The following SPATC1 variants were observed in gnomAD, a reference collection of about 807,000 sequenced individuals.
SPATC1 encodes spermatogenesis and centriole associated 1, also known as speriolin.
A neutral mutation model predicts 36.5 loss-of-function variants in SPATC1; 35 were observed. The ratio of observed to expected loss-of-function variants is 0.96; its 90% CI spans 0.73 to 1.27. SPATC1 has a LOEUF of 1.27. Among genes scored for constraint, SPATC1 ranks in the 50% most tolerant of loss-of-function variants. The probability of loss-of-function intolerance (pLI) is 0.00; values close to 1 mark genes in which losing one functional copy is unlikely to be tolerated. For missense variants in SPATC1, 779 were observed against 796.0 expected (o/e 0.98, Z 0.26); for synonymous variants, 361 against 353.6 (o/e 1.02, Z -0.24).
intron 1 of SPATC1, among the ~76,000 whole-genome samples, chr8:144,021,306 T>C (rs1319433097): frequency 0.52 from 6,185 of 11,944 alleles, 1,211 homozygotes; most frequent in Middle Eastern, 0.62. Context: ...AGGACCCTCT[T>C]CCCTCATGAC....
At chr8:144,036,324 G>A (rs1432962345) in intron 1 of SPATC1, among the ~76,000 whole-genome samples, 10 of 152,132 alleles carry the variant, frequency 6.6e-5, no homozygotes, top group South Asian at 6.2e-4. Context: ...GCGGAACTTA[G>A]AAGGTTTTGG....
At position 144,012,468 on chromosome 8, in the gene SPATC1, A is replaced by G. The variant is rs1554752585; in HGVS notation, c.-48A>G. The G allele has an allele frequency of 1.1e-5, 16 of 1,516,848 alleles. No individual in the cohort carries two copies. Among genetic ancestry groups the G allele is most frequent in the Non-Finnish European group, 1.3e-5 (15 of 1,115,974 alleles). 94.0% of individuals were successfully genotyped at this position (1,516,848 alleles called of 1,614,324 possible). A position where few individuals can be genotyped will look rare whatever the true frequency, so the allele number is the denominator to read the frequency against. On this transcript the variant is annotated 5_prime_UTR_variant, in exon 1 of 5. Transcript: ENST00000377470. ...AGGCCTGGGGCCCTGGGCAGCCTCC[A>G]GGTGCAGTGCCCTCCCGTGGGCCGC...
At position 144,046,615 on chromosome 8, in the gene SPATC1, C is replaced by A. The variant is rs533783863; in HGVS notation, c.1447-12C>A. The A allele has an allele frequency of 1.9e-5, 30 of 1,600,014 alleles. No individual in the cohort carries two copies. The South Asian group carries it at 2.9e-4, about 15-fold the overall frequency. ...GGCAAGGGAGGGTCCCTGATGGCCG[C>A]TGTCCCCACAGGCTTCCCTGAACCC... On this transcript the variant is annotated splice_polypyrimidine_tract_variant and intron_variant, in intron 4 of 4. Transcript: ENST00000377470. This position sits in a 1 kb window ranked among gnomAD's most constrained non-coding sequence, Gnocchi z 6.6.
chr8:144,035,449 C>T (rs1834879586), intron 1 of SPATC1, among the ~76,000 whole-genome samples: 2 of 152,276 alleles, frequency 1.3e-5, no homozygotes, highest in Admixed American at 1.3e-4. Context: ...ATTGTTCCTT[C>T]TGTCCTGGAC....
rs1554755581 is a variant in SPATC1 at position 144,040,292 on chromosome 8, C to T, written c.595C>T (p.Leu199Phe). The T allele has an allele frequency of 1.9e-6, 3 of 1,612,832 alleles. No homozygotes were observed. The highest frequency in any genetic ancestry group is 2.2e-5 in the South Asian group (2 of 91,060). Reference sequence around the variant, plus strand: ...GGTGGCTGTCTCTCTGAGCAGCCCCCTCCTCAGCTCCACTGCCACCCCACC... The same window carrying T: ...GGTGGCTGTCTCTCTGAGCAGCCCCTTCCTCAGCTCCACTGCCACCCCACC... ...GTVAVSLSSP[L>F]LSSTATPPGV... is the part of the protein sequence containing the mutation. Residue 199 changes from leucine (L) to phenylalanine (F), a missense_variant, in exon 2 of 5, where the codon CTC (leucine) becomes TTC (phenylalanine). By Grantham distance (22) the Leu-to-Phe change is conservative. Transcript: ENST00000377470.
At chr8:144,018,689 A>G (rs1834440105) in intron 1 of SPATC1, among the ~76,000 whole-genome samples, 1 of 151,810 alleles carries the variant, frequency 6.6e-6, no homozygotes, top group African/African-American at 2.4e-5. Context: ...TCTCTGTTCA[A>G]ATGTTCTTCT....
rs782095655 is a variant in SPATC1, at chr8:144,040,208, G to C, written c.511G>C (p.Val171Leu). 6.2e-7 allele frequency: 1 copy of C among 1,612,544 alleles called. No individual in the cohort carries two copies. Among genetic ancestry groups the C allele is most frequent in the Non-Finnish European group, 8.5e-7 (1 of 1,179,800 alleles). The change falls in exon 2 of 5, where the codon GTG (valine) becomes CTG (leucine). Residue 171 changes from valine to leucine, a missense_variant. Coordinates refer to ENST00000377470, the MANE Select transcript of SPATC1 (RefSeq NM_198572.3). Reference protein sequence around the residue: ...STGTLTPSSLVAGPVAMSQSS... With the variant: ...STGTLTPSSLLAGPVAMSQSS... ...TGGCACCCTGACTCCCAGCAGCCTC[G>C]TGGCAGGCCCTGTGGCCATGTCCCA...
chr8:144,027,325 C>A (rs1482703483), intron 1 of SPATC1, among the ~76,000 whole-genome samples: 3 of 152,140 alleles, frequency 2.0e-5, no homozygotes, highest in Non-Finnish European at 4.4e-5. Flanking sequence ...TTGTAAGATT[C>A]TTTATATACA....
intron 3 of SPATC1, 50 bp from the exon 4 acceptor site, chr8:144,041,182 C>T (rs782477973): frequency 3.1e-6 from 5 of 1,607,122 alleles, no homozygotes; most frequent in African/African-American, 1.3e-5. Flanking sequence ...GCTGCTGAGC[C>T]CAGCTCCTCT....
At chr8:144,012,814 T>C in intron 1 of SPATC1, 88 bp downstream of exon 1, 1 of 1,384,844 alleles carries the variant, frequency 7.2e-7, no homozygotes, top group Non-Finnish European at 1.0e-6. Flanking sequence ...TCTCAGGAGG[T>C]CATGGAGGGA....
Position 144,040,719 on chromosome 8 carries a change from A to G in SPATC1, c.918A>G (p.Thr306=). The G allele has an allele frequency of 6.2e-7, 1 of 1,613,044 alleles. No individual in the cohort carries two copies. The highest frequency in any genetic ancestry group is 1.3e-5 in the African/African-American group (1 of 74,750). ...CCTTCTCCTTCAACACTTCGGACAC[A>G]CAGGCCCAGCCCAGTGCCGCCCAGG... ...KTAFSFNTSD[T]QAQPSAAQEQ... The change falls in exon 3 of 5, where the codon ACA becomes ACG. Residue 306 remains threonine (T), a synonymous_variant. Coordinates refer to ENST00000377470, the MANE Select transcript of SPATC1 (RefSeq NM_198572.3).
chr8:144,032,667 G>A (rs1045925459), intron 1 of SPATC1, among the ~76,000 whole-genome samples: 1 of 152,108 alleles, frequency 6.6e-6, no homozygotes, highest in Non-Finnish European at 1.5e-5. Context: ...CCTCCCCAGG[G>A]TTTATTGCTG....
chr8:144,040,892 C>G lies in SPATC1; in HGVS notation c.1091C>G (p.Pro364Arg). Residue 364 changes from proline to arginine, a missense_variant, in exon 3 of 5, where the codon CCC (proline) becomes CGC (arginine). Transcript: ENST00000377470. ...CACATCGCCCAGGGTGCCCCCCATC[C>G]CCCTTCCCGAATGCATAATTCCCCA... is the stretch of plus-strand genomic sequence containing the variant. Reference protein sequence around the residue: ...TTHIAQGAPHPPSRMHNSPTQ... With the variant: ...TTHIAQGAPHRPSRMHNSPTQ... The G allele has an allele frequency of 6.3e-7, 1 of 1,590,074 alleles. No individual in the cohort carries two copies. Among genetic ancestry groups the G allele is most frequent in the Non-Finnish European group, 8.6e-7 (1 of 1,166,410 alleles).
At chr8:144,031,092 A>C (rs1834783568) in intron 1 of SPATC1, among the ~76,000 whole-genome samples, 2 of 152,172 alleles carry the variant, frequency 1.3e-5, no homozygotes, top group South Asian at 4.1e-4. Context: ...TGACATCAGC[A>C]TATGTAGTTA....
chr8:144,045,690 C>T lies in SPATC1; in HGVS notation c.1447-937C>T, dbSNP rs1478884193. 3.9e-5 allele frequency among the ~76,000 whole-genome samples: 6 copies of T among 152,172 alleles called. No individual in the cohort carries two copies. Among genetic ancestry groups the T allele is most frequent in the African/African-American group, 9.7e-5 (4 of 41,424 alleles). ...TGGCTCTGTGGGCCTGTGCAGAGAG[C>T]GGGCAGGGCCAAGCCTGGAGGCAGG... On this transcript the variant is annotated intron_variant, in intron 4 of 4. Transcript: ENST00000377470. The surrounding 1 kb of genome is among the most constrained non-coding windows in gnomAD (Gnocchi z 5.2).
At chr8:144,012,044 G>A (rs912806408), upstream of SPATC1, among the ~76,000 whole-genome samples, 5 of 152,216 alleles carry the variant, frequency 3.3e-5, no homozygotes, top group Non-Finnish European at 5.9e-5. Flanking sequence ...ATTGTGCCAA[G>A]CCCTGTGCTG....
At chr8:144,015,408 T>A (rs1050168051) in intron 1 of SPATC1, among the ~76,000 whole-genome samples, 1 of 150,984 alleles carries the variant, frequency 6.6e-6, no homozygotes, top group Non-Finnish European at 1.5e-5. Context: ...TTAAAATTTT[T>A]AAAAAATAAA....
intron 2 of SPATC1, 37 bp from the exon 3 acceptor site, chr8:144,040,531 C>T: frequency 1.3e-6 from 2 of 1,562,608 alleles, no homozygotes; most frequent in South Asian, 1.2e-5. Flanking sequence ...TCACTCTAAT[C>T]CCCCTTTTTT....
rs1292275602 is a variant in SPATC1, at chr8:144,045,623, G to C, written c.1447-1004G>C. Among the ~76,000 whole-genome samples the C allele has an allele frequency of 6.6e-6, 1 of 152,230 alleles. No homozygotes were observed. Among genetic ancestry groups the C allele is most frequent in the Non-Finnish European group, 1.5e-5 (1 of 68,038 alleles). On this transcript the variant is annotated intron_variant, in intron 4 of 4. Coordinates refer to ENST00000377470, the MANE Select transcript of SPATC1 (RefSeq NM_198572.3). The surrounding 1 kb of genome is among the most constrained non-coding windows in gnomAD (Gnocchi z 5.2). ...TGGAGCAGCGGAAACTGCAGGAGGA[G>C]CTTGGGCAGGGGATAGCCCACCCAA...
Sources: gnomAD v4.1 joint callset for allele counts (sites outside exome capture counted in the v4.1 genomes callset) on GRCh38, gnomAD v4.1.1 for gene constraint, Gnocchi (gnomAD v3.1) non-coding constraint, MANE v1.5 for transcripts, NCBI Gene and HGNC (gene_info 2026-07-23, HGNC 2026-07-21) for gene names.